LYRM4: variants seen among roughly 807,000 people sequenced by gnomAD.
LYRM4 encodes the protein LYR motif-containing protein 4.
LYRM4 carries 9 observed loss-of-function variants against 11.7 expected under a neutral mutation model. The ratio of observed to expected loss-of-function variants is 0.77; its 90% CI spans 0.46 to 1.34. The LOEUF is 1.34. Ranked by LOEUF, LYRM4 falls within the 40% of genes most tolerant of loss-of-function variation. LYRM4 has a pLI of 0.00. For synonymous variants in LYRM4, 42 were observed against 40.4 expected (o/e 1.04, Z -0.15); for missense variants, 133 against 112.5 (o/e 1.18, Z -0.82).
intron 2 of LYRM4, among the ~76,000 whole-genome samples, chr6:5,130,132 C>T (rs1309550447): frequency 6.6e-6 from 1 of 152,180 alleles, no homozygotes; most frequent in Non-Finnish European, 1.5e-5. Context: ...CTATGCTTCC[C>T]CTGTTCCCAC....
chr6:5,196,151 C>T (rs1761040691), intron 2 of LYRM4, among the ~76,000 whole-genome samples: 1 of 152,140 alleles, frequency 6.6e-6, no homozygotes, highest in Non-Finnish European at 1.5e-5. Flanking sequence ...GCTCCGACCC[C>T]GCAGCACTGC....
At chr6:5,111,457 G>T (rs1762878246) in intron 2 of LYRM4, among the ~76,000 whole-genome samples, 1 of 152,206 alleles carries the variant, frequency 6.6e-6, no homozygotes, top group African/African-American at 2.4e-5. Context: ...GGCATAAGAA[G>T]AAACCTGTTC....
At chr6:5,066,114 C>T in the LYRM4 span, 1 of 491,736 alleles carries the variant, frequency 2.0e-6, no homozygotes. Context: ...GTTGTAATAG[C>T]TCCAATAATT....
the LYRM4 span, among the ~76,000 whole-genome samples, chr6:5,076,640 C>T: frequency 5.3e-5 from 8 of 152,258 alleles, no homozygotes; most frequent in South Asian, 1.7e-3. Flanking sequence ...GGTATCACCA[C>T]CTAAGGAGGG....
rs532367677 is a variant in LYRM4, at chr6:5,108,833, C to T, written c.*590G>A. 2.7e-4 allele frequency: 270 copies of T among 986,244 alleles called. No individual in the cohort carries two copies. Among genetic ancestry groups the T allele is most frequent in the Non-Finnish European group, 3.1e-4 (256 of 830,426 alleles). The allele number at this position is 986,244 out of a possible 1,614,324, so 61.1% of individuals were successfully genotyped here. ...ATCTCTGGGTGTGTACCTACACACC[C>T]GTCACCTTTGTTGTACTGGGCTCAG... On this transcript the variant is annotated 3_prime_UTR_variant, in exon 3 of 3. Transcript: ENST00000330636.
intron 2 of LYRM4, chr6:5,138,559 A>T: frequency 3.3e-6 from 1 of 304,098 alleles, no homozygotes; most frequent in Non-Finnish European, 5.3e-6. Context: ...ATCAGTAGCC[A>T]GTAAGAATAA....
the LYRM4 span, among the ~76,000 whole-genome samples, chr6:5,064,934 G>C: frequency 6.6e-6 from 1 of 151,878 alleles, no homozygotes; most frequent in African/African-American, 2.4e-5. Flanking sequence ...TCTCGGTGTT[G>C]CACATCCTAC....
At chr6:5,225,122 C>T (rs763301498) in intron 1 of LYRM4, among the ~76,000 whole-genome samples, 4 of 151,962 alleles carry the variant, frequency 2.6e-5, no homozygotes, top group Non-Finnish European at 5.9e-5. Flanking sequence ...GTGGTGGGCG[C>T]CTGTAGTCCC....
chr6:5,088,613 T>A, the LYRM4 span: 2 of 152,220 alleles, frequency 1.3e-5, no homozygotes, highest in African/African-American at 4.8e-5. Flanking sequence ...ATATTTACTA[T>A]CTGGCCCTTT....
At chr6:5,132,170 A>G (rs968674413) in intron 2 of LYRM4, among the ~76,000 whole-genome samples, 2 of 152,232 alleles carry the variant, frequency 1.3e-5, no homozygotes, top group African/African-American at 4.8e-5. Context: ...TGCTTAATAC[A>G]TAAGCAATAC....
the LYRM4 span, among the ~76,000 whole-genome samples, chr6:5,091,630 A>G: frequency 6.6e-6 from 1 of 152,246 alleles, no homozygotes; most frequent in African/African-American, 2.4e-5. Context: ...ATGTCAGCTA[A>G]ATGAAGATGT....
At chr6:5,260,512 G>A (rs1764989346) in intron 1 of LYRM4, 136 bp downstream of exon 1, 10 of 1,209,178 alleles carry the variant, frequency 8.3e-6, no homozygotes, top group Non-Finnish European at 1.1e-5. Context: ...TTTCGATGGC[G>A]GAGCCCGGTC....
At chr6:5,162,494 C>CGAGT (rs1169878270) in intron 2 of LYRM4, among the ~76,000 whole-genome samples, 4 of 26,782 alleles carry the variant, frequency 1.5e-4, no homozygotes, top group African/African-American at 1.1e-3. Flanking sequence ...CGACAGAGAG[C>CGAGT]GAGCGAGAGA....
At chr6:5,035,124 C>A in the LYRM4 span, among the ~76,000 whole-genome samples, 4 of 152,010 alleles carry the variant, frequency 2.6e-5, no homozygotes, top group African/African-American at 9.7e-5. Context: ...CTCACAGAAC[C>A]CAACCCATGC....
intron 2 of LYRM4, among the ~76,000 whole-genome samples, chr6:5,210,803 A>C (rs1761952712): frequency 6.6e-6 from 1 of 152,188 alleles, no homozygotes; most frequent in Non-Finnish European, 1.5e-5. Flanking sequence ...TTTAGTGTTA[A>C]GTCCTCAAGG....
At chr6:5,208,849 G>A (rs556757038) in intron 2 of LYRM4, among the ~76,000 whole-genome samples, 7 of 152,246 alleles carry the variant, frequency 4.6e-5, no homozygotes, top group East Asian at 3.9e-4. Flanking sequence ...TGTCATACAG[G>A]GGCCAAGCTA....
intron 1 of LYRM4, among the ~76,000 whole-genome samples, chr6:5,238,493 A>G (rs1179019652): frequency 1.3e-5 from 2 of 152,250 alleles, no homozygotes; most frequent in Non-Finnish European, 1.5e-5. Context: ...GGCACTGGAT[A>G]TATTAAGTCA....
At chr6:5,081,815 C>T in the LYRM4 span, among the ~76,000 whole-genome samples, 1 of 152,146 alleles carries the variant, frequency 6.6e-6, no homozygotes. Flanking sequence ...AGTGGGCTCT[C>T]TAGACAGCCT....
At chr6:5,238,407 T>C (rs1040038922) in intron 1 of LYRM4, among the ~76,000 whole-genome samples, 13 of 152,204 alleles carry the variant, frequency 8.5e-5, no homozygotes, top group Admixed American at 7.9e-4. Flanking sequence ...CGTAATTCTA[T>C]ACTCATGTTA....
Sources: gnomAD v4.1 joint callset for allele counts (sites outside exome capture counted in the v4.1 genomes callset) on GRCh38, gnomAD v4.1.1 for gene constraint, MANE v1.5 for transcripts, NCBI Gene and HGNC (gene_info 2026-07-23, HGNC 2026-07-21) for gene names.